Variants in SLC16A8 observed in about 807,000 individuals in gnomAD.
SLC16A8 encodes solute carrier family 16 member 8, also known as monocarboxylate transporter 3.
SLC16A8 carries 20 observed loss-of-function variants against 22.4 expected under a neutral mutation model. The ratio of observed to expected loss-of-function variants is 0.89; its 90% CI spans 0.63 to 1.30. SLC16A8 has a LOEUF of 1.30. SLC16A8 is among the 50% of genes most tolerant of loss of function. The pLI is 0.00. For synonymous variants in SLC16A8, 393 were observed against 358.8 expected (o/e 1.10, Z -1.08); for missense variants, 817 against 740.3 (o/e 1.10, Z -1.20).
At chr22:38,082,627 C>T (rs1301370788) in intron 3 of SLC16A8, 33 bp downstream of exon 3, 3 of 1,514,358 alleles carry the variant, frequency 2.0e-6, no homozygotes, top group Non-Finnish European at 2.7e-6. Context: ...CCAGGGGTCC[C>T]GGGGAGGCGG....
Position 38,081,435 on chromosome 22 carries a change from G to C in SLC16A8, c.603C>G (p.Gly201=), listed in dbSNP as rs965389027. ...GAVMRPPPGP[G]PRPRRDSAGD... Reference sequence around the variant, plus strand: ...CGGCGCTGTCCCTGCGCGGTCGCGGGCCCGGCCCGGGCGGCGGCCTCATGA... The same window carrying C: ...CGGCGCTGTCCCTGCGCGGTCGCGGCCCCGGCCCGGGCGGCGGCCTCATGA... Residue 201 remains glycine, a synonymous_variant, in exon 5 of 6, where the codon GGC becomes GGG. Transcript: ENST00000681075. 7.8e-7 allele frequency: 1 copy of C among 1,286,330 alleles called. No individual in the cohort carries two copies. 79.7% of individuals were successfully genotyped at this position (1,286,330 alleles called of 1,614,324 possible).
Position 38,081,618 on chromosome 22 carries a change from C to T in SLC16A8, c.420G>A (p.Arg140=), listed in dbSNP as rs1018317060. The T allele has an allele frequency of 1.3e-6, 2 of 1,521,546 alleles. No homozygotes were observed. Among genetic ancestry groups the T allele is most frequent in the Non-Finnish European group, 1.8e-6 (2 of 1,140,906 alleles). The allele number at this position is 1,521,546 out of a possible 1,614,324, so 94.3% of individuals were successfully genotyped here. Reference sequence around the variant, plus strand: ...CCAGCCCGTTGGCCAGAGGCCGCCGCCGCTCGAAGTACAGCCCCAGCATGA... The same window carrying T: ...CCAGCCCGTTGGCCAGAGGCCGCCGTCGCTCGAAGTACAGCCCCAGCATGA... ...SLIMLGLYFE[R]RRPLANGLAA... Residue 140 remains arginine, a synonymous_variant, in exon 5 of 6, where the codon CGG becomes CGA. Transcript: ENST00000681075.
chr22:38,078,600 G>C lies in SLC16A8; in HGVS notation c.1303C>G (p.Leu435Val). ...VFMAVATNCCLRCAKAAPSGP... is the reference protein window; with the variant it reads ...VFMAVATNCCVRCAKAAPSGP... ...GACGGGGCAGCTTTAGCACAACGCA[G>C]GCAGCAGTTGGTGGCGACAGCCATG... The change falls in exon 6 of 6, where the codon CTG becomes GTG. Residue 435 changes from leucine to valine, a missense_variant. Leu to Val is a conservative substitution (Grantham distance 32, BLOSUM62 1). Transcript: ENST00000681075. The C allele has an allele frequency of 6.2e-7, 1 of 1,614,092 alleles. No individual in the cohort carries two copies. Among genetic ancestry groups the C allele is most frequent in the Non-Finnish European group, 8.5e-7 (1 of 1,180,020 alleles).
chr22:38,078,659 A>T lies in SLC16A8; in HGVS notation c.1244T>A (p.Leu415Gln), dbSNP rs762678368. The change falls in exon 6 of 6, where the codon CTG becomes CAG. Residue 415 changes from leucine to glutamine, a missense_variant. Physicochemically the swap from Leu to Gln is moderately radical, Grantham distance 113 (BLOSUM62 -2). Transcript: ENST00000681075. ...AGCCAGGGCCACCTCAGAGCCGGCC[A>T]GGTAGAAGATGATCTCATAGTTCTT... ...VLKNYEIIFY[L>Q]AGSEVALAGV... 5.6e-6 allele frequency: 9 copies of T among 1,612,854 alleles called. No homozygotes were observed. The African/African-American group carries it at 1.2e-4, about 22-fold the overall frequency.
In SLC16A8 at chr22:38,081,009, G is replaced by A; in HGVS notation, c.1029C>T (p.Tyr343=). 6.3e-7 allele frequency: 1 copy of A among 1,597,862 alleles called. No homozygotes were observed. ...CGACGCAGAAGGCGACGAGGGCGCC[G>A]TAGGAGCGCGCGCGTGCGCTGCTCA... is the stretch of plus-strand genomic sequence containing the variant. ...TDLSSARARS[Y]GALVAFCVAF... is the part of the protein sequence containing the mutation. Residue 343 remains tyrosine, a synonymous_variant, in exon 5 of 6, where the codon TAC becomes TAT. Coordinates refer to ENST00000681075, the MANE Select transcript of SLC16A8 (RefSeq NM_013356.3).
In SLC16A8 at chr22:38,081,286, C is replaced by T. The variant is rs775777765; in HGVS notation, c.752G>A (p.Arg251His). 2 of 1,572,418 alleles carry T rather than the reference C, an allele frequency of 1.3e-6. No homozygotes were observed. The change falls in exon 5 of 6, where the codon CGC becomes CAC. Residue 251 changes from arginine to histidine, a missense_variant. Physicochemically the swap from Arg to His is conservative, Grantham distance 29 (BLOSUM62 0). Coordinates refer to ENST00000681075, the MANE Select transcript of SLC16A8 (RefSeq NM_013356.3). The stretch of plus-strand genomic sequence containing the variant: ...GGTGACGGCGTACACGGCGAAGGCG[C>T]GGTCGGTGCACACTGCCAAGTCCAG... ...RLLDLAVCTD[R>H]AFAVYAVTKF...
rs768720682 is a variant in SLC16A8 at position 38,081,399 on chromosome 22, G to A, written c.639C>T (p.Ala213=). 13 of 1,365,468 alleles carry A rather than the reference G, an allele frequency of 9.5e-6. No homozygotes were observed. The highest frequency in any genetic ancestry group is 2.7e-4 in the Middle Eastern group (1 of 3,670). 84.6% of individuals were successfully genotyped at this position (1,365,468 alleles called of 1,614,324 possible). The change falls in exon 5 of 6, where the codon GCC becomes GCT. Residue 213 remains alanine (A), a synonymous_variant. Coordinates refer to ENST00000681075, the MANE Select transcript of SLC16A8 (RefSeq NM_013356.3). The part of the protein sequence containing the change: ...RPRRDSAGDR[A]GDAPGEAEAD... ...CCTCCGCCTCGCCCGGAGCGTCCCC[G>A]GCGCGGTCGCCGGCGCTGTCCCTGC...
chr22:38,078,720 AAGAGGAGGG>A lies in SLC16A8; in HGVS notation c.1199-25_1199-17del. 1 of 1,598,462 alleles carries A rather than the reference AAGAGGAGGG, an allele frequency of 6.3e-7. No homozygotes were observed. The highest frequency in any genetic ancestry group is 8.6e-7 in the Non-Finnish European group (1 of 1,167,970). Reference sequence around the variant, plus strand: ...ACCAGGCGGCCTGGGGAGGAGGAGGAAGAGGAGGGAGAGGTAAGGTCCTGTGGGGTCCTC... The same window carrying A: ...ACCAGGCGGCCTGGGGAGGAGGAGGAAGAGGTAAGGTCCTGTGGGGTCCTC... On this transcript the variant is annotated splice_polypyrimidine_tract_variant and intron_variant, in intron 5 of 5. Transcript: ENST00000681075.
chr22:38,083,179 A>G lies in SLC16A8; in HGVS notation c.-146T>C, dbSNP rs1366216066. The G allele has an allele frequency of 9.5e-6, 4 of 420,298 alleles. No individual in the cohort carries two copies. The highest frequency in any genetic ancestry group is 8.0e-5 in the African/African-American group (4 of 50,048). 26.0% of individuals were successfully genotyped at this position (420,298 alleles called of 1,614,324 possible). ...GGGCCTCAGGTGGAAGGCGTCGGGA[A>G]GTGGAGCAGGTATGTGCCTGGAGGT... On this transcript the variant is annotated 5_prime_UTR_variant, in exon 2 of 6. Coordinates refer to ENST00000681075, the MANE Select transcript of SLC16A8 (RefSeq NM_013356.3).
Position 38,081,496 on chromosome 22 carries a change from C to G in SLC16A8, c.542G>C (p.Gly181Ala). Reference sequence around the variant, plus strand: ...GGCGCAGCAGTGCAGCAGGAGCCCGCCGAGCAGCAGGAAGCCGCCGCGCCA... The same window carrying G: ...GGCGCAGCAGTGCAGCAGGAGCCCGGCGAGCAGCAGGAAGCCGCCGCGCCA... ...FGWRGGFLLL[G>A]GLLLHCCACG... Residue 181 changes from glycine (G) to alanine (A), a missense_variant, in exon 5 of 6, where the codon GGC (glycine) becomes GCC (alanine). Coordinates refer to ENST00000681075, the MANE Select transcript of SLC16A8 (RefSeq NM_013356.3). 1.4e-6 allele frequency: 2 copies of G among 1,403,324 alleles called. No individual in the cohort carries two copies. Among genetic ancestry groups the G allele is most frequent in the Non-Finnish European group, 1.8e-6 (2 of 1,092,380 alleles). The allele number at this position is 1,403,324 out of a possible 1,614,324, so 86.9% of individuals were successfully genotyped here.
At chr22:38,080,775 G>A (rs956448363) in intron 5 of SLC16A8, 65 bp downstream of exon 5, 2 of 1,430,020 alleles carry the variant, frequency 1.4e-6, no homozygotes, top group African/African-American at 1.5e-5. Flanking sequence ...CTGAGACAGG[G>A]GGATGGAGCT....
At position 38,080,977 on chromosome 22, in the gene SLC16A8, C is replaced by T. The variant is rs1166316302; in HGVS notation, c.1061G>A (p.Gly354Asp). ...CGCGCCCACCATGCCGTAGGAGAGG[C>T]CGAAGGCGACGCAGAAGGCGACGAG... ...GALVAFCVAF[G>D]LSYGMVGALQ... The change falls in exon 5 of 6, where the codon GGC (glycine) becomes GAC (aspartate). Residue 354 changes from glycine (G) to aspartate (D), a missense_variant. Transcript: ENST00000681075. The T allele has an allele frequency of 6.3e-7, 1 of 1,597,602 alleles. No homozygotes were observed.
At chr22:38,079,731 G>T (rs1236513987) in intron 5 of SLC16A8, among the ~76,000 whole-genome samples, 1 of 152,190 alleles carries the variant, frequency 6.6e-6, no homozygotes, top group Non-Finnish European at 1.5e-5. Context: ...TTAATTGCAA[G>T]TATTTCCCCC....
chr22:38,081,373 G>A lies in SLC16A8; in HGVS notation c.665C>T (p.Ala222Val). The A allele has an allele frequency of 7.1e-7, 1 of 1,416,400 alleles. No individual in the cohort carries two copies. Among genetic ancestry groups the A allele is most frequent in the Middle Eastern group, 2.5e-4 (1 of 3,990 alleles). 87.7% of individuals were successfully genotyped at this position (1,416,400 alleles called of 1,614,324 possible). A position where few individuals can be genotyped will look rare whatever the true frequency, so the allele number is the denominator to read the frequency against. Residue 222 changes from alanine (A) to valine (V), a missense_variant, in exon 5 of 6, where the codon GCT (alanine) becomes GTT (valine). Ala to Val is a moderately conservative substitution (Grantham distance 64). Transcript: ENST00000681075. ...RAGDAPGEAEADGAGLQLREA... is the reference protein window; with the variant it reads ...RAGDAPGEAEVDGAGLQLREA... ...GCGCAGCTGCAGCCCCGCACCGTCA[G>A]CCTCCGCCTCGCCCGGAGCGTCCCC...
chr22:38,081,302 C>G lies in SLC16A8; in HGVS notation c.736G>C (p.Ala246Pro), dbSNP rs773718669. ...GCGAAGGCGCGGTCGGTGCACACTG[C>G]CAAGTCCAGCAGGCGCCGGCGGGGC... ...VRPRRRLLDL[A>P]VCTDRAFAVY... Residue 246 changes from alanine (A) to proline (P), a missense_variant, in exon 5 of 6, where the codon GCA becomes CCA. Coordinates refer to ENST00000681075, the MANE Select transcript of SLC16A8 (RefSeq NM_013356.3). The G allele has an allele frequency of 1.9e-6, 3 of 1,543,236 alleles. No individual in the cohort carries two copies. Among genetic ancestry groups the G allele is most frequent in the Admixed American group, 1.9e-5 (1 of 52,022 alleles).
rs898523388 is a variant in SLC16A8, at chr22:38,080,898, C to T, written c.1140G>A (p.Ala380=). The T allele has an allele frequency of 1.9e-6, 3 of 1,563,760 alleles. No individual in the cohort carries two copies. The highest frequency in any genetic ancestry group is 2.3e-5 in the East Asian group (1 of 43,298). ...AAVGAPRFPS[A]LGLVLLVEAA... is the part of the protein sequence containing the mutation. ...CCTCCACGAGCAACACCAGGCCCAG[C>T]GCACTGGGGAAGCGGGGCGCGCCCA... The change falls in exon 5 of 6, where the codon GCG becomes GCA. Residue 380 remains alanine (A), a synonymous_variant. Coordinates refer to ENST00000681075, the MANE Select transcript of SLC16A8 (RefSeq NM_013356.3).
At chr22:38,082,978 G>T in intron 2 of SLC16A8, 64 bp downstream of exon 2, 1 of 782,160 alleles carries the variant, frequency 1.3e-6, no homozygotes, top group Middle Eastern at 3.7e-4. Flanking sequence ...GAGGCACAGG[G>T]CTACCCACGT....
In SLC16A8 at chr22:38,081,874, C is replaced by G; in HGVS notation, c.358+15G>C. On this transcript the variant is annotated intron_variant, in intron 4 of 5. Transcript: ENST00000681075. ...GACCCCCAACCCAGCGGAGAGGAGA[C>G]CAGGGGGCCCTCACCTGTGAGCACC... The G allele has an allele frequency of 6.3e-7, 1 of 1,590,666 alleles. No homozygotes were observed. The highest frequency in any genetic ancestry group is 1.1e-5 in the South Asian group (1 of 87,216).
At position 38,081,267 on chromosome 22, in the gene SLC16A8, G is replaced by T. The variant is rs1370322827; in HGVS notation, c.771C>A (p.Ala257=). The part of the protein sequence containing the change: ...VCTDRAFAVY[A]VTKFLMALGL... ...CGAGCGCCATCAGGAACTTGGTGAC[G>T]GCGTACACGGCGAAGGCGCGGTCGG... Residue 257 remains alanine, a synonymous_variant, in exon 5 of 6, where the codon GCC becomes GCA. Transcript: ENST00000681075. 2 of 1,583,250 alleles carry T rather than the reference G, an allele frequency of 1.3e-6. No individual in the cohort carries two copies. Among genetic ancestry groups the T allele is most frequent in the Non-Finnish European group, 1.7e-6 (2 of 1,164,764 alleles).
Sources: gnomAD v4.1 joint callset for allele counts (sites outside exome capture counted in the v4.1 genomes callset) on GRCh38, gnomAD v4.1.1 for gene constraint, MANE v1.5 for transcripts, NCBI Gene and HGNC (gene_info 2026-07-23, HGNC 2026-07-21) for gene names.